ZNF415: variants seen among roughly 807,000 people sequenced by gnomAD.
ZNF415 encodes the protein zinc finger protein 415.
A neutral mutation model predicts 7.3 loss-of-function variants in ZNF415; 5 were observed. The ratio of observed to expected loss-of-function variants is 0.69; its 90% CI spans 0.36 to 1.44. ZNF415 has a LOEUF of 1.44. Among genes scored for constraint, ZNF415 ranks in the 40% most tolerant of loss-of-function variants. The pLI is 0.04. For missense variants in ZNF415, 628 were observed against 664.8 expected (o/e 0.94, Z 0.61); for synonymous variants, 207 against 226.3 (o/e 0.91, Z 0.77).
intron 2 of ZNF415, among the ~76,000 whole-genome samples, chr19:53,119,006 C>T (rs557385422): frequency 4.0e-5 from 6 of 151,520 alleles, no homozygotes; most frequent in Non-Finnish European, 7.4e-5. Context: ...TTAGGCCGGG[C>T]GCAGTGGCTC....
intron 3 of ZNF415, among the ~76,000 whole-genome samples, chr19:53,114,466 T>G (rs58248702): frequency 0.42 from 63,810 of 151,974 alleles, 14,267 homozygotes; most frequent in East Asian, 0.59. Flanking sequence ...CCGCACCTGG[T>G]CAAAAGTTGG....
chr19:53,121,584 C>T (rs1215393959), intron 2 of ZNF415, among the ~76,000 whole-genome samples: 1 of 151,692 alleles, frequency 6.6e-6, no homozygotes, highest in East Asian at 2.0e-4. Context: ...TGCGCCACCA[C>T]GCCTGGCTAA....
Position 53,109,364 on chromosome 19 carries a change from A to G in ZNF415, c.681T>C (p.His227=). ...CCTGACGTACAGTCATGTGTGAGCC[A>G]TGATTCAAGGCTTTGTCGCACTCAA... ...RYIECDKALN[H]GSHMTVRQVS... The change falls in exon 4 of 4, where the codon CAT becomes CAC. Residue 227 remains histidine, a synonymous_variant. Transcript: ENST00000243643. 6.2e-7 allele frequency: 1 copy of G among 1,614,184 alleles called. No homozygotes were observed. Among genetic ancestry groups the G allele is most frequent in the East Asian group, 2.2e-5 (1 of 44,888 alleles).
At chr19:53,116,181 G>A in intron 3 of ZNF415, 132 bp downstream of exon 3, 1 of 1,065,294 alleles carries the variant, frequency 9.4e-7, no homozygotes, top group Non-Finnish European at 1.4e-6. Flanking sequence ...TTCACATTAT[G>A]GAGCTTTTCA....
At chr19:53,131,738 T>C (rs2090102626) in intron 1 of ZNF415, among the ~76,000 whole-genome samples, 1 of 152,094 alleles carries the variant, frequency 6.6e-6, no homozygotes, top group Non-Finnish European at 1.5e-5. Context: ...TAATTCCTCT[T>C]TCTTCCTAAT....
chr19:53,111,845 A>C (rs1458236401), intron 3 of ZNF415, among the ~76,000 whole-genome samples: 1 of 152,232 alleles, frequency 6.6e-6, no homozygotes, highest in African/African-American at 2.4e-5. Context: ...TCAAATAAAC[A>C]CATTAGGCCC....
chr19:53,112,853 G>A (rs139758137), intron 3 of ZNF415, among the ~76,000 whole-genome samples: 227 of 152,194 alleles, frequency 1.5e-3, no homozygotes, highest in Non-Finnish European at 2.2e-3. Flanking sequence ...TTGGGAGGCC[G>A]AGGCGGGTGG....
intron 2 of ZNF415, chr19:53,122,260 CA>C (rs1164346621): frequency 2.2e-6 from 2 of 925,884 alleles, no homozygotes; most frequent in African/African-American, 3.3e-5. Flanking sequence ...AACAAACAAA[CA>C]AACAAAAAAC....
intron 3 of ZNF415, among the ~76,000 whole-genome samples, chr19:53,112,546 G>A (rs934329380): frequency 3.6e-4 from 55 of 152,124 alleles, no homozygotes; most frequent in African/African-American, 1.2e-3. Flanking sequence ...CTTATAAAGC[G>A]GTTGAGTAGT....
At chr19:53,127,414 C>T (rs907303237) in intron 1 of ZNF415, among the ~76,000 whole-genome samples, 1 of 152,180 alleles carries the variant, frequency 6.6e-6, no homozygotes, top group African/African-American at 2.4e-5. Context: ...CACTGACCCA[C>T]GACAATGTAT....
chr19:53,120,652 T>C (rs1407260361), intron 2 of ZNF415, among the ~76,000 whole-genome samples: 1 of 152,188 alleles, frequency 6.6e-6, no homozygotes, highest in Non-Finnish European at 1.5e-5. Context: ...AATAAGAATA[T>C]GGATATATCC....
At position 53,109,468 on chromosome 19, in the gene ZNF415, ATTTATTAGAAACATGG is replaced by A; in HGVS notation, c.561_576del (p.His188MetfsTer33). The A allele has an allele frequency of 1.9e-6, 3 of 1,614,058 alleles. No individual in the cohort carries two copies. Among genetic ancestry groups the A allele is most frequent in the Non-Finnish European group, 2.5e-6 (3 of 1,179,954 alleles). On this transcript the variant is annotated frameshift_variant, in exon 4 of 4. Transcript: ENST00000243643. LOFTEE classifies it low-confidence loss of function (END_TRUNC). ...GAAGAACAGATGAAATCAGTCCCATATTTATTAGAAACATGGGTTTTGATGGTAGAAGAAATTATTT... is the reference window on the plus strand; with the variant it reads ...GAAGAACAGATGAAATCAGTCCCATAGTTTTGATGGTAGAAGAAATTATTT...
At chr19:53,122,016 G>A (rs1260453562) in intron 2 of ZNF415, among the ~76,000 whole-genome samples, 2 of 151,902 alleles carry the variant, frequency 1.3e-5, no homozygotes, top group African/African-American at 4.8e-5. Flanking sequence ...GGAAGCCGAG[G>A]TGGGTGGATC....
At position 53,108,090 on chromosome 19, in the gene ZNF415, T is replaced by C; in HGVS notation, c.*287A>G. ...CAAAATATACAAAGATGTTTACACA[T>C]TTTGATGTCTAGTGAGTTGTGAGAC... On this transcript the variant is annotated 3_prime_UTR_variant, in exon 4 of 4. Coordinates refer to ENST00000243643, the MANE Select transcript of ZNF415 (RefSeq NM_018355.4). 1 of 380,328 alleles carries C rather than the reference T, an allele frequency of 2.6e-6. No homozygotes were observed. The highest frequency in any genetic ancestry group is 4.7e-6 in the Non-Finnish European group (1 of 213,942). The allele number at this position is 380,328 out of a possible 1,614,324, so 23.6% of individuals were successfully genotyped here.
Position 53,109,646 on chromosome 19 carries a change from C to G in ZNF415, c.399G>C (p.Lys133Asn), listed in dbSNP as rs765612752. 1 of 1,614,146 alleles carries G rather than the reference C, an allele frequency of 6.2e-7. No individual in the cohort carries two copies. The highest frequency in any genetic ancestry group is 8.5e-7 in the Non-Finnish European group (1 of 1,180,012). Residue 133 changes from lysine to asparagine, a missense_variant, in exon 4 of 4, where the codon AAG becomes AAC. Lys to Asn is a moderately conservative substitution (Grantham distance 94). Coordinates refer to ENST00000243643, the MANE Select transcript of ZNF415 (RefSeq NM_018355.4). The part of the protein sequence containing the change: ...DQRDRRGIGN[K>N]SIKHQLGLSF... ...TTAATCCAAGCTGATGTTTAATAGA[C>G]TTGTTTCCTATACCTCTTCTATCGC...
At chr19:53,130,261 A>G (rs1478788878) in intron 1 of ZNF415, among the ~76,000 whole-genome samples, 1 of 152,210 alleles carries the variant, frequency 6.6e-6, no homozygotes, top group Admixed American at 6.5e-5. Flanking sequence ...TAAGGTAAAA[A>G]CATCATTGAC....
intron 3 of ZNF415, among the ~76,000 whole-genome samples, chr19:53,114,780 C>T (rs2086755266): frequency 6.6e-6 from 1 of 152,164 alleles, no homozygotes. Context: ...TCCCCTGGTC[C>T]ACACACCCAC....
rs747962608 is a variant in ZNF415 at position 53,109,672 on chromosome 19, G to A, written c.373C>T (p.Arg125Cys). 20 of 1,613,902 alleles carry A rather than the reference G, an allele frequency of 1.2e-5. No individual in the cohort carries two copies. The highest frequency in any genetic ancestry group is 1.4e-5 in the Non-Finnish European group (17 of 1,180,006). The change falls in exon 4 of 4, where the codon CGC becomes TGC. Residue 125 changes from arginine to cysteine, a missense_variant. Transcript: ENST00000243643. Reference protein sequence around the residue: ...KENLTCRRDQRDRRGIGNKSI... With the variant: ...KENLTCRRDQCDRRGIGNKSI... The stretch of plus-strand genomic sequence containing the variant: ...TTGTTTCCTATACCTCTTCTATCGC[G>A]TTGGTCTCTCCTACAAGTAAGATTT...
chr19:53,114,552 G>A (rs985791044), intron 3 of ZNF415, among the ~76,000 whole-genome samples: 6 of 152,146 alleles, frequency 3.9e-5, no homozygotes, highest in Non-Finnish European at 5.9e-5. Flanking sequence ...CATTCATATA[G>A]CAGTGAGACC....
Sources: gnomAD v4.1 joint callset for allele counts (sites outside exome capture counted in the v4.1 genomes callset) on GRCh38, gnomAD v4.1.1 for gene constraint, MANE v1.5 for transcripts, NCBI Gene and HGNC (gene_info 2026-07-23, HGNC 2026-07-21) for gene names.